The following VAPA variants were observed in gnomAD, a reference collection of about 807,000 sequenced individuals.
The protein encoded by VAPA is VAMP associated protein A, also known as vesicle-associated membrane protein-associated protein A.
Under a neutral mutation model 25.6 loss-of-function variants are expected in VAPA, and 6 were observed. That is an observed-to-expected ratio of 0.23 (90% CI 0.13 to 0.46). The LOEUF is 0.46. Among genes scored for constraint, VAPA ranks in the 20% least tolerant of loss-of-function variants. The pLI is 0.99. For synonymous variants in VAPA, 112 were observed against 106.2 expected (o/e 1.05, Z -0.34); for missense variants, 244 against 302.1 (o/e 0.81, Z 1.43).
chr18:9,957,224 G>GT lies in VAPA; in HGVS notation c.*3016dup, dbSNP rs2069561030. ...TTTTTGTATTTTTAGTAGAGACAAG[G>GT]TTTCACCATGTTGGTCAGGCTGGGC... On this transcript the variant is annotated 3_prime_UTR_variant, in exon 6 of 6. Transcript: ENST00000400000. The GT allele has an allele frequency of 6.6e-6, 1 of 152,074 alleles. No homozygotes were observed. The highest frequency in any genetic ancestry group is 1.5e-5 in the Non-Finnish European group (1 of 68,036). 9.4% of individuals were successfully genotyped at this position (152,074 alleles called of 1,614,324 possible). A position where few individuals can be genotyped will look rare whatever the true frequency, so the allele number is the denominator to read the frequency against.
At chr18:9,928,572 G>A (rs2069222557) in intron 1 of VAPA, among the ~76,000 whole-genome samples, 1 of 151,874 alleles carries the variant, frequency 6.6e-6, no homozygotes. Context: ...TTAATTCAGG[G>A]GTTCTTAACT....
At chr18:9,917,379 C>G (rs1240988387) in intron 1 of VAPA, among the ~76,000 whole-genome samples, 1 of 152,110 alleles carries the variant, frequency 6.6e-6, no homozygotes, top group Non-Finnish European at 1.5e-5. Context: ...CAGTCTCTGC[C>G]TCCCGGGTTC....
At chr18:9,918,771 C>T (rs62078820) in intron 1 of VAPA, among the ~76,000 whole-genome samples, 4 of 152,254 alleles carry the variant, frequency 2.6e-5, no homozygotes, top group East Asian at 1.9e-4. Flanking sequence ...CACATTTTAC[C>T]GTCAGTCAAG....
Position 9,954,247 on chromosome 18 carries a change from T to TC in VAPA, c.*36_*37insC. ...GCAGAGTGCTGTTTCTTTTTTTTTT[T>TC]TTCTCTTGACCAGAAAAAGATTTGT... On this transcript the variant is annotated 3_prime_UTR_variant, in exon 6 of 6. Transcript: ENST00000400000. 6.4e-7 allele frequency: 1 copy of TC among 1,559,852 alleles called. No homozygotes were observed. The highest frequency in any genetic ancestry group is 8.6e-7 in the Non-Finnish European group (1 of 1,157,966).
chr18:9,951,136 T>C (rs968207737), intron 5 of VAPA: 8 of 152,388 alleles, frequency 5.2e-5, no homozygotes, highest in African/African-American at 1.9e-4. Flanking sequence ...AATTTAACTT[T>C]ACATACGGGG....
chr18:9,958,299 T>C lies in VAPA; in HGVS notation c.*4088T>C, dbSNP rs1237728648. On this transcript the variant is annotated 3_prime_UTR_variant, in exon 6 of 6. Transcript: ENST00000400000. ...TTAAGGTTATGGACATTTTATAATG[T>C]AACATTTGATTGGCCTGGCCTCTTG... 3 of 152,248 alleles carry C rather than the reference T, an allele frequency of 2.0e-5. No homozygotes were observed. The highest frequency in any genetic ancestry group is 2.4e-5 in the African/African-American group (1 of 41,472). 9.4% of individuals were successfully genotyped at this position (152,248 alleles called of 1,614,324 possible).
rs3025553 is a variant in VAPA, at chr18:9,954,701, T to C, written c.*490T>C. On this transcript the variant is annotated 3_prime_UTR_variant, in exon 6 of 6. Transcript: ENST00000400000. ...ATTTTTCCTCCTTTACCTTTGCTAA[T>C]ATCATGGCAGAATTTTTCTTATCCC... The C allele has an allele frequency of 6.5e-6, 1 of 152,972 alleles. No individual in the cohort carries two copies. Among genetic ancestry groups the C allele is most frequent in the African/African-American group, 2.4e-5 (1 of 41,460 alleles). 9.5% of individuals were successfully genotyped at this position (152,972 alleles called of 1,614,324 possible).
At position 9,929,743 on chromosome 18, in the gene VAPA, T is replaced by C. The variant is rs1447541118; in HGVS notation, c.80-2067T>C. Among the ~76,000 whole-genome samples the C allele has an allele frequency of 1.6e-4, 24 of 152,172 alleles. 1 individual carries two copies. The highest frequency in any genetic ancestry group is 1.6e-3 in the Admixed American group (24 of 15,260). The stretch of plus-strand genomic sequence containing the variant: ...GGGGCTCAAACTCTTAGCTATCTGC[T>C]GGGAGCAACCCTCATTGAGAGGCTA... On this transcript the variant is annotated intron_variant, in intron 1 of 5. Coordinates refer to ENST00000400000, the MANE Select transcript of VAPA (RefSeq NM_194434.3).
At chr18:9,921,890 C>T (rs887556916) in intron 1 of VAPA, among the ~76,000 whole-genome samples, 8 of 151,910 alleles carry the variant, frequency 5.3e-5, no homozygotes, top group African/African-American at 1.7e-4. Flanking sequence ...CCTCAGTATG[C>T]GTTAATTTAG....
In VAPA at chr18:9,914,255, C is replaced by G. The variant is rs759969012; in HGVS notation, c.-2C>G. 2.5e-6 allele frequency: 4 copies of G among 1,581,076 alleles called. No individual in the cohort carries two copies. Among genetic ancestry groups the G allele is most frequent in the African/African-American group, 1.4e-5 (1 of 70,920 alleles). ...GCGCCCCCGCTCTGCGCTGTCTCTCCGATGGCGTCCGCCTCAGGGGCCATG... is the reference window on the plus strand; with the variant it reads ...GCGCCCCCGCTCTGCGCTGTCTCTCGGATGGCGTCCGCCTCAGGGGCCATG... On this transcript the variant is annotated 5_prime_UTR_variant, in exon 1 of 6. Transcript: ENST00000400000.
chr18:9,931,404 T>C (rs899427716), intron 1 of VAPA, among the ~76,000 whole-genome samples: 1 of 152,196 alleles, frequency 6.6e-6, no homozygotes, highest in Non-Finnish European at 1.5e-5. Flanking sequence ...GTGTAGGGTC[T>C]TCAGATGTAG....
At chr18:9,923,103 T>C (rs1373588430) in intron 1 of VAPA, among the ~76,000 whole-genome samples, 1 of 152,240 alleles carries the variant, frequency 6.6e-6, no homozygotes, top group African/African-American at 2.4e-5. Flanking sequence ...TCATTTTTGC[T>C]GACTTATGCA....
At chr18:9,924,527 TTA>T in intron 1 of VAPA, among the ~76,000 whole-genome samples, 1 of 152,308 alleles carries the variant, frequency 6.6e-6, no homozygotes, top group African/African-American at 2.4e-5. Flanking sequence ...GTTTTCAAGA[TTA>T]TGTCACCAGG....
chr18:9,951,559 C>T (rs1038634690), intron 5 of VAPA, among the ~76,000 whole-genome samples: 8 of 152,076 alleles, frequency 5.3e-5, no homozygotes, highest in Admixed American at 2.6e-4. Context: ...AAATGGATGG[C>T]GAAGGAGGAC....
intron 1 of VAPA, among the ~76,000 whole-genome samples, chr18:9,924,729 A>G (rs1348119338): frequency 1.3e-5 from 2 of 152,200 alleles, no homozygotes. Flanking sequence ...TCACAATGTC[A>G]CATGACATGA....
intron 1 of VAPA, among the ~76,000 whole-genome samples, chr18:9,928,619 A>G (rs889045142): frequency 6.6e-6 from 1 of 152,092 alleles, no homozygotes; most frequent in Non-Finnish European, 1.5e-5. Flanking sequence ...TTGTAATGCT[A>G]TTGCTATCCT....
intron 4 of VAPA, among the ~76,000 whole-genome samples, chr18:9,946,408 G>C (rs4491597): frequency 0.084 from 12,801 of 151,882 alleles, 645 homozygotes; most frequent in African/African-American, 0.13. Flanking sequence ...GGCCCATGAT[G>C]GCTTTGAATC....
In VAPA at chr18:9,953,910, T is replaced by C. The variant is rs141536879; in HGVS notation, c.592-143T>C. On this transcript the variant is annotated intron_variant, in intron 5 of 5. Coordinates refer to ENST00000400000, the MANE Select transcript of VAPA (RefSeq NM_194434.3). The stretch of plus-strand genomic sequence containing the variant: ...CTATCACCCCCGGAAAGTTTCCTTA[T>C]GTGGTTAGCAGTTAATCCCCTTTTC... 1,316 of 905,672 alleles carry C rather than the reference T, an allele frequency of 1.5e-3. 12 individuals carry two copies. The East Asian group carries it at 0.021, about 14-fold the overall frequency. 56.1% of individuals were successfully genotyped at this position (905,672 alleles called of 1,614,324 possible). A position where few individuals can be genotyped will look rare whatever the true frequency, so the allele number is the denominator to read the frequency against.
chr18:9,926,892 A>G (rs566081523), intron 1 of VAPA, among the ~76,000 whole-genome samples: 2 of 152,238 alleles, frequency 1.3e-5, no homozygotes, highest in African/African-American at 4.8e-5. Flanking sequence ...ATGTGCAGAA[A>G]TGCTAGAGGC....
Sources: allele counts gnomAD v4.1 joint callset (sites outside exome capture counted in the v4.1 genomes callset), GRCh38; gene constraint gnomAD v4.1.1; transcripts MANE v1.5; gene names NCBI Gene and HGNC (gene_info 2026-07-23, HGNC 2026-07-21).